Variants in IFT25 observed in about 807,000 individuals in gnomAD.
IFT25 encodes the protein intraflagellar transport protein 25 homolog.
At chr1:53,928,527 C>G in the IFT25 span, 2 of 936,360 alleles carry the variant, frequency 2.1e-6, no homozygotes, top group Non-Finnish European at 3.4e-6. Context: ...CTGAGATTAT[C>G]ATGCACAGTG....
the IFT25 span, among the ~76,000 whole-genome samples, chr1:53,936,962 C>T: frequency 6.6e-6 from 1 of 152,038 alleles, no homozygotes; most frequent in Non-Finnish European, 1.5e-5. Context: ...CTATGCCCAG[C>T]TATTTATTTA....
At chr1:53,944,943 T>C in the IFT25 span, among the ~76,000 whole-genome samples, 1 of 152,158 alleles carries the variant, frequency 6.6e-6, no homozygotes. Flanking sequence ...ACCAGCTCCC[T>C]TGGTTCTGGT....
At chr1:53,935,630 CTTT>C in the IFT25 span, among the ~76,000 whole-genome samples, 78 of 143,238 alleles carry the variant, frequency 5.4e-4, no homozygotes, top group African/African-American at 1.6e-3. Context: ...GCCAGAACTA[CTTT>C]TTTTTTTTTT....
At chr1:53,922,211 A>G in the IFT25 span, among the ~76,000 whole-genome samples, 1 of 152,334 alleles carries the variant, frequency 6.6e-6, no homozygotes, top group South Asian at 2.1e-4. Flanking sequence ...CCTAACCAAC[A>G]TGGAGAAACC....
chr1:53,933,159 G>A, the IFT25 span, among the ~76,000 whole-genome samples: 23 of 139,600 alleles, frequency 1.6e-4, no homozygotes, highest in African/African-American at 4.3e-4. Context: ...TTTTTGAGGC[G>A]GAGTCTCACT....
At chr1:53,938,115 T>C in the IFT25 span, among the ~76,000 whole-genome samples, 3 of 152,350 alleles carry the variant, frequency 2.0e-5, no homozygotes, top group Middle Eastern at 3.4e-3. Flanking sequence ...CTTTTCTTCA[T>C]CTTTACAACG....
the IFT25 span, among the ~76,000 whole-genome samples, chr1:53,936,793 T>A: frequency 6.6e-6 from 1 of 152,044 alleles, no homozygotes; most frequent in Non-Finnish European, 1.5e-5. Context: ...TTTTTCCTAG[T>A]GTAGAACTTC....
the IFT25 span, among the ~76,000 whole-genome samples, chr1:53,920,005 C>T: frequency 3.3e-4 from 50 of 152,238 alleles, no homozygotes; most frequent in African/African-American, 1.2e-3. Context: ...AGCTATGTTG[C>T]TCAGGCTGGT....
chr1:53,921,701 C>G, the IFT25 span: 5 of 1,613,722 alleles, frequency 3.1e-6, no homozygotes, highest in African/African-American at 6.7e-5. Context: ...ACGCTATGCA[C>G]AGATGCAAAA....
At chr1:53,928,443 A>G in the IFT25 span, 23 of 1,601,284 alleles carry the variant, frequency 1.4e-5, no homozygotes, top group African/African-American at 2.7e-5. Context: ...GGTCTGTACT[A>G]ACATTGTAAA....
the IFT25 span, among the ~76,000 whole-genome samples, chr1:53,938,566 A>T: frequency 3.3e-5 from 5 of 152,300 alleles, no homozygotes; most frequent in Admixed American, 1.3e-4. Flanking sequence ...AGAATCATAA[A>T]ACCTCTGTTA....
the IFT25 span, among the ~76,000 whole-genome samples, chr1:53,927,823 T>C: frequency 6.6e-6 from 1 of 152,218 alleles, no homozygotes; most frequent in African/African-American, 2.4e-5. Flanking sequence ...TTCAATCTGC[T>C]TTCTCTTTAT....
the IFT25 span, among the ~76,000 whole-genome samples, chr1:53,938,790 C>A: frequency 1.3e-5 from 2 of 152,000 alleles, no homozygotes; most frequent in East Asian, 1.9e-4. Context: ...AAAAAGGAGT[C>A]CTCCACCAGG....
chr1:53,945,302 C>G, the IFT25 span, among the ~76,000 whole-genome samples: 1 of 152,244 alleles, frequency 6.6e-6, no homozygotes, highest in South Asian at 2.1e-4. Flanking sequence ...CTGGTTTTCC[C>G]TTTTGGGGGG....
the IFT25 span, among the ~76,000 whole-genome samples, chr1:53,914,817 G>A: frequency 6.6e-6 from 1 of 152,240 alleles, no homozygotes; most frequent in South Asian, 2.1e-4. Flanking sequence ...GACCCCTGCA[G>A]AGAGGCATTC....
chr1:53,919,597 G>A, the IFT25 span, among the ~76,000 whole-genome samples: 1 of 152,206 alleles, frequency 6.6e-6, no homozygotes, highest in Non-Finnish European at 1.5e-5. Context: ...AAATGAAATT[G>A]TTGCATTAAG....
chr1:53,945,819 C>T, the IFT25 span: 1 of 149,550 alleles, frequency 6.7e-6, no homozygotes, highest in African/African-American at 2.5e-5. Context: ...CGCCACGACT[C>T]CCACAGGCCC....
chr1:53,918,338 C>G, the IFT25 span, among the ~76,000 whole-genome samples: 1 of 152,130 alleles, frequency 6.6e-6, no homozygotes, highest in South Asian at 2.1e-4. Flanking sequence ...TTTGAGGAGC[C>G]CTGCTACCTG....
the IFT25 span, among the ~76,000 whole-genome samples, chr1:53,925,644 A>G: frequency 1.3e-5 from 2 of 151,212 alleles, no homozygotes; most frequent in African/African-American, 4.9e-5. Flanking sequence ...CAGCCTGAGC[A>G]ATAGAGTGAG....
Sources: gnomAD v4.1 joint callset for allele counts (sites outside exome capture counted in the v4.1 genomes callset) on GRCh38, gnomAD v4.1.1 for gene constraint, MANE v1.5 for transcripts, NCBI Gene and HGNC (gene_info 2026-07-23, HGNC 2026-07-21) for gene names.